OSMR: variants seen among roughly 807,000 people sequenced by gnomAD.
OSMR encodes oncostatin M receptor.
Under a neutral mutation model 99.9 loss-of-function variants are expected in OSMR, and 81 were observed. The observed-to-expected ratio is 0.81, with a 90% CI of 0.68 to 0.97. OSMR has a LOEUF of 0.97. Ranked by LOEUF, OSMR falls within the 50% of genes least tolerant of loss-of-function variation. OSMR has a pLI of 0.00. For synonymous variants in OSMR, 406 were observed against 410.4 expected, an observed-to-expected ratio of 0.99 and a Z score of 0.13; for missense variants, 1,099 against 1,153.4, an observed-to-expected ratio of 0.95 and a Z score of 0.68.
In OSMR at chr5:38,925,379, T is replaced by C. The variant is rs1243060210; in HGVS notation, c.2212+8T>C. 1 of 1,611,846 alleles carries C rather than the reference T, an allele frequency of 6.2e-7. No individual in the cohort carries two copies. Among genetic ancestry groups the C allele is most frequent in the Non-Finnish European group, 8.5e-7 (1 of 1,177,990 alleles). On this transcript the variant is annotated splice_region_variant and intron_variant, in intron 15 of 17. Transcript: ENST00000274276. ...CGACTCCGGATGAACACTGTGAGTT[T>C]TCCCAAATCAAAGTTCTTCCCTTAG...
At chr5:38,938,715 C>A (rs906397050), downstream of OSMR, 6 of 232,554 alleles carry the variant, frequency 2.6e-5, no homozygotes, top group African/African-American at 1.3e-4. Context: ...TTTCAGTGTT[C>A]TTTGATAAGC....
intron 6 of OSMR, chr5:38,885,736 T>G: frequency 2.5e-6 from 1 of 401,970 alleles, no homozygotes; most frequent in Non-Finnish European, 3.4e-6. Context: ...GTGAAAATAG[T>G]CCTGTCTGAT....
At chr5:38,861,647 C>T (rs957942810) in intron 1 of OSMR, among the ~76,000 whole-genome samples, 17 of 152,192 alleles carry the variant, frequency 1.1e-4, no homozygotes, top group East Asian at 3.9e-4. Flanking sequence ...ACCTCCCAGA[C>T]GGGGTGGTGG....
intron 2 of OSMR, among the ~76,000 whole-genome samples, chr5:38,875,760 G>C (rs1214415972): frequency 6.6e-6 from 1 of 152,192 alleles, no homozygotes; most frequent in African/African-American, 2.4e-5. Flanking sequence ...CATGTCTACA[G>C]ATAATACATG....
chr5:38,902,504 T>C (rs915275580), intron 7 of OSMR, among the ~76,000 whole-genome samples: 2 of 152,230 alleles, frequency 1.3e-5, no homozygotes, highest in African/African-American at 2.4e-5. Context: ...CAAGGAAATA[T>C]TGTCATGTGG....
chr5:38,913,533 G>C lies in OSMR; in HGVS notation c.1286-4013G>C, dbSNP rs548216540. Among the ~76,000 whole-genome samples the C allele has an allele frequency of 3.5e-5, 5 of 140,874 alleles. No homozygotes were observed. In the South Asian group the frequency reaches 1.2e-3, roughly 33 times the overall value. 92.4% of individuals were successfully genotyped at this position (140,874 alleles called of 152,430 possible). On this transcript the variant is annotated intron_variant, in intron 9 of 17. Coordinates refer to ENST00000274276, the MANE Select transcript of OSMR (RefSeq NM_003999.3). ...CCACTGCACTCCAGCCTGGACGACA[G>C]AGTGAGACTCCATCTCAAAAAAAAA...
At chr5:38,881,786 A>T (rs761105518) in intron 4 of OSMR, 22 bp downstream of exon 4, 9 of 1,587,710 alleles carry the variant, frequency 5.7e-6, no homozygotes, top group Non-Finnish European at 7.8e-6. Context: ...GGTGGTTACA[A>T]GAGTGAAAAG....
chr5:38,942,071 A>G (rs1214087176), intron 1 of OSMR: 14 of 372,410 alleles, frequency 3.8e-5, no homozygotes, highest in Non-Finnish European at 9.7e-6. Context: ...GAAACTCTTA[A>G]AACTGTGGTA....
At chr5:38,921,593 T>A in intron 11 of OSMR, 22 bp from the exon 12 acceptor site, 1 of 1,613,876 alleles carries the variant, frequency 6.2e-7, no homozygotes, top group Non-Finnish European at 8.5e-7. Flanking sequence ...TCTGGAGCAT[T>A]GCTCTATTTG....
downstream of OSMR, chr5:38,938,708 C>T (rs539108580): frequency 4.7e-4 from 109 of 232,688 alleles, no homozygotes; most frequent in Non-Finnish European, 7.6e-4. Flanking sequence ...TCACAGATTT[C>T]AGTGTTCTTT....
intron 9 of OSMR, among the ~76,000 whole-genome samples, chr5:38,910,569 C>T (rs1469671429): frequency 6.6e-6 from 1 of 152,158 alleles, no homozygotes; most frequent in Non-Finnish European, 1.5e-5. Context: ...TTACTCAAAA[C>T]CACCCGATTA....
chr5:38,898,948 A>ATATTTTTTT, intron 7 of OSMR, among the ~76,000 whole-genome samples: 1 of 108,982 alleles, frequency 9.2e-6, no homozygotes, highest in African/African-American at 4.1e-5. Flanking sequence ...TTTACATAAT[A>ATATTTTTTT]TCTTTTTTTT....
intron 7 of OSMR, among the ~76,000 whole-genome samples, chr5:38,897,824 A>G (rs951514913): frequency 2.0e-5 from 3 of 151,908 alleles, no homozygotes; most frequent in Non-Finnish European, 4.4e-5. Flanking sequence ...TGTTTCTCTT[A>G]TCATTTGTTT....
At chr5:38,887,002 C>A (rs1017619445) in intron 7 of OSMR, among the ~76,000 whole-genome samples, 3 of 151,996 alleles carry the variant, frequency 2.0e-5, no homozygotes, top group African/African-American at 4.8e-5. Flanking sequence ...TGTATTATTG[C>A]CAATTAAATG....
Position 38,934,518 on chromosome 5 carries a change from C to A in OSMR, c.*1074C>A, listed in dbSNP as rs375120602. On this transcript the variant is annotated 3_prime_UTR_variant, in exon 18 of 18. Coordinates refer to ENST00000274276, the MANE Select transcript of OSMR (RefSeq NM_003999.3). The stretch of plus-strand genomic sequence containing the variant: ...ATCCCAAACCAATATATGCAAAGCA[C>A]CTGGTACACAACTGGTATTTTAGTA... 1 of 152,142 alleles carries A rather than the reference C, an allele frequency of 6.6e-6. No homozygotes were observed. The highest frequency in any genetic ancestry group is 1.5e-5 in the Non-Finnish European group (1 of 68,030). 9.4% of individuals were successfully genotyped at this position (152,142 alleles called of 1,614,324 possible).
intron 9 of OSMR, among the ~76,000 whole-genome samples, chr5:38,910,774 G>C (rs1186983052): frequency 6.6e-6 from 1 of 152,194 alleles, no homozygotes; most frequent in Admixed American, 6.5e-5. Context: ...ACTTTGGGAG[G>C]CCAACGTGGG....
At chr5:38,903,477 C>T (rs570104787) in intron 7 of OSMR, among the ~76,000 whole-genome samples, 2 of 152,370 alleles carry the variant, frequency 1.3e-5, no homozygotes, top group Non-Finnish European at 2.9e-5. Flanking sequence ...ATCCCCCTCT[C>T]ATCTAAAGAT....
intron 3 of OSMR, among the ~76,000 whole-genome samples, chr5:38,879,526 G>A (rs747236575): frequency 6.6e-6 from 1 of 152,040 alleles, no homozygotes. Context: ...GGGAGGTAAA[G>A]TTCAGTCTGT....
At chr5:38,850,328 T>C (rs1740253421) in intron 1 of OSMR, among the ~76,000 whole-genome samples, 1 of 152,220 alleles carries the variant, frequency 6.6e-6, no homozygotes, top group Admixed American at 6.5e-5. Flanking sequence ...ATTGAAAGCA[T>C]TTTTAAATTG....
Sources: gnomAD v4.1 joint callset for allele counts (sites outside exome capture counted in the v4.1 genomes callset) on GRCh38, gnomAD v4.1.1 for gene constraint, MANE v1.5 for transcripts, NCBI Gene and HGNC (gene_info 2026-07-23, HGNC 2026-07-21) for gene names.